ITK: variants seen among roughly 807,000 people sequenced by gnomAD.
The protein encoded by ITK is tyrosine-protein kinase ITK/TSK.
A neutral mutation model predicts 87.6 loss-of-function variants in ITK; 45 were observed. The observed-to-expected ratio is 0.51, with a 90% CI of 0.40 to 0.66. ITK has a LOEUF of 0.66. ITK is among the 30% of genes least tolerant of loss of function. The pLI is 0.00. For missense variants in ITK, 605 were observed against 766.3 expected, an observed-to-expected ratio of 0.79 and a Z score of 2.48; for synonymous variants, 303 against 273.6, an observed-to-expected ratio of 1.11 and a Z score of -1.06.
chr5:157,246,016 G>GCCACACTGC lies in ITK; in HGVS notation c.1633+19_1633+20insACACTGCCC, dbSNP rs1561665398. The GCCACACTGC allele has an allele frequency of 2.0e-6, 3 of 1,516,142 alleles. No homozygotes were observed. Among genetic ancestry groups the GCCACACTGC allele is most frequent in the Non-Finnish European group, 2.7e-6 (3 of 1,091,120 alleles). The allele number at this position is 1,516,142 out of a possible 1,614,324, so 93.9% of individuals were successfully genotyped here. On this transcript the variant is annotated intron_variant, in intron 15 of 16. Coordinates refer to ENST00000422843, the MANE Select transcript of ITK (RefSeq NM_005546.4). ...GGTCATTTGGTGAGTGTCATGCTGG[G>GCCACACTGC]CCCCACTGCCCCATGATCTGGGCTT...
chr5:157,249,854 A>G (rs1339473067), intron 16 of ITK, among the ~76,000 whole-genome samples: 1 of 152,206 alleles, frequency 6.6e-6, no homozygotes, highest in Non-Finnish European at 1.5e-5. Context: ...TCCACTTCAT[A>G]AGGATTAGCT....
At position 157,254,478 on chromosome 5, in the gene ITK, TGAG is replaced by T. The variant is rs1401560051; in HGVS notation, c.*1805_*1807del. 9.1e-6 allele frequency: 2 copies of T among 220,476 alleles called. No individual in the cohort carries two copies. The highest frequency in any genetic ancestry group is 4.5e-5 in the African/African-American group (2 of 44,616). 13.7% of individuals were successfully genotyped at this position (220,476 alleles called of 1,614,324 possible). A position where few individuals can be genotyped will look rare whatever the true frequency, so the allele number is the denominator to read the frequency against. ...AGCTGTAGTCTTCTTGAACACTTCA[TGAG>T]GAGGGACATTCCCTGATATAAGAGA... On this transcript the variant is annotated 3_prime_UTR_variant, in exon 17 of 17. Coordinates refer to ENST00000422843, the MANE Select transcript of ITK (RefSeq NM_005546.4).
rs767660056 is a variant in ITK, at chr5:157,211,344, C to T, written c.301C>T (p.Arg101Cys). 6 of 1,613,980 alleles carry T rather than the reference C, an allele frequency of 3.7e-6. No individual in the cohort carries two copies. Among genetic ancestry groups the T allele is most frequent in the Non-Finnish European group, 5.1e-6 (6 of 1,179,864 alleles). Residue 101 changes from arginine (R) to cysteine (C), a missense_variant, in exon 3 of 17, where the codon CGC (arginine) becomes TGC (cysteine). By Grantham distance (180) the Arg-to-Cys change is radical (BLOSUM62 -3). Transcript: ENST00000422843. ...VFAPDRESRQ[R>C]WVLALKEETR... ...TGCTCCAGATCGTGAGAGCCGGCAG[C>T]GCTGGGTGCTGGCCCTTAAAGAAGG...
At position 157,248,975 on chromosome 5, in the gene ITK, G is replaced by A. The variant is rs56005928; in HGVS notation, c.1759G>A (p.Val587Ile). The A allele has an allele frequency of 2.8e-3, 4,466 of 1,613,900 alleles. 37 individuals are homozygous for A. The highest frequency in any genetic ancestry group is 3.6e-3 in the South Asian group (330 of 91,076). Reference protein sequence around the residue: ...LYKPRLASTHVYQIMNHCWKE... With the variant: ...LYKPRLASTHIYQIMNHCWKE... ...CAAGCCCCGGCTGGCCTCCACACACGTCTACCAGATTATGAATCACTGCTG... is the reference window on the plus strand; with the variant it reads ...CAAGCCCCGGCTGGCCTCCACACACATCTACCAGATTATGAATCACTGCTG... The change falls in exon 16 of 17, where the codon GTC (valine) becomes ATC (isoleucine). Residue 587 changes from valine to isoleucine, a missense_variant. By Grantham distance (29) the Val-to-Ile change is conservative. This residue lies in a region of ITK where 71 missense variants were observed against 65.8 expected (regional missense o/e 1.08). Coordinates refer to ENST00000422843, the MANE Select transcript of ITK (RefSeq NM_005546.4).
chr5:157,191,463 A>G (rs1368097431), intron 1 of ITK, among the ~76,000 whole-genome samples: 1 of 152,202 alleles, frequency 6.6e-6, no homozygotes, highest in Non-Finnish European at 1.5e-5. Flanking sequence ...CATATTGTCA[A>G]AAAAAATTAA....
chr5:157,209,927 A>T (rs939595011), intron 2 of ITK, among the ~76,000 whole-genome samples: 5 of 144,332 alleles, frequency 3.5e-5, no homozygotes, highest in African/African-American at 1.0e-4. Context: ...CACTGCAGAA[A>T]TTTTTTTTTT....
intron 3 of ITK, among the ~76,000 whole-genome samples, chr5:157,212,180 A>T (rs1359603560): frequency 6.6e-6 from 1 of 152,192 alleles, no homozygotes; most frequent in African/African-American, 2.4e-5. Flanking sequence ...CTGTTGTGAG[A>T]ATTGAATGAT....
chr5:157,227,822 C>CTTTTTTTTTTTTTTTTTT (rs34428784), intron 6 of ITK, among the ~76,000 whole-genome samples: 1 of 84,832 alleles, frequency 1.2e-5, no homozygotes, highest in African/African-American at 5.5e-5. Flanking sequence ...TTACCAATTC[C>CTTTTTTTTTTTTTTTTTT]TTTTTTTTTT....
At chr5:157,235,865 A>G (rs576619352) in intron 8 of ITK, among the ~76,000 whole-genome samples, 42 of 152,366 alleles carry the variant, frequency 2.8e-4, no homozygotes, top group African/African-American at 1.0e-3. Context: ...CACAACCAAC[A>G]TGTCTCAGAT....
chr5:157,222,748 C>G (rs1754444694), intron 5 of ITK, 115 bp from the exon 6 acceptor site: 1 of 969,868 alleles, frequency 1.0e-6, no homozygotes, highest in African/African-American at 1.6e-5. Context: ...AACTCTAACT[C>G]ATAAAGAAAG....
intron 1 of ITK, among the ~76,000 whole-genome samples, chr5:157,198,907 C>T (rs1393323634): frequency 6.6e-6 from 1 of 152,108 alleles, no homozygotes; most frequent in Admixed American, 6.6e-5. Flanking sequence ...GTACTACGGG[C>T]ATGTGCCACC....
intron 5 of ITK, among the ~76,000 whole-genome samples, chr5:157,218,448 A>T (rs1580891455): frequency 6.7e-6 from 1 of 148,916 alleles, no homozygotes; most frequent in African/African-American, 2.5e-5. Flanking sequence ...TCGAGACTGC[A>T]GTGAGCCATG....
In ITK at chr5:157,245,677, C is replaced by T. The variant is rs377479054; in HGVS notation, c.1450-49C>T. ...TAGGAGACTCCTTAACTACTGATGA[C>T]TCATCAACAGTTTTCCTCTCCGCCT... On this transcript the variant is annotated intron_variant, in intron 13 of 16. Transcript: ENST00000422843. 4.3e-5 allele frequency: 61 copies of T among 1,427,428 alleles called. No individual in the cohort carries two copies. In the East Asian group the frequency reaches 8.2e-4, roughly 19 times the overall value. 88.4% of individuals were successfully genotyped at this position (1,427,428 alleles called of 1,614,324 possible). A position where few individuals can be genotyped will look rare whatever the true frequency, so the allele number is the denominator to read the frequency against.
intron 3 of ITK, among the ~76,000 whole-genome samples, chr5:157,211,875 ACAG>A (rs1754198114): frequency 6.6e-6 from 1 of 152,202 alleles, no homozygotes; most frequent in Admixed American, 6.5e-5. Flanking sequence ...GGAAGGGATA[ACAG>A]CACCTGCCTT....
At chr5:157,251,171 C>A (rs1755132766) in intron 16 of ITK, among the ~76,000 whole-genome samples, 1 of 152,138 alleles carries the variant, frequency 6.6e-6, no homozygotes, top group Non-Finnish European at 1.5e-5. Flanking sequence ...TATTAGCATT[C>A]ATTGTTTTGG....
At chr5:157,216,703 G>A (rs1754304957) in intron 4 of ITK, among the ~76,000 whole-genome samples, 2 of 152,080 alleles carry the variant, frequency 1.3e-5, no homozygotes, top group South Asian at 4.2e-4. Flanking sequence ...GTCCAGGGCT[G>A]GAAGTGGCCA....
rs182056248 is a variant in ITK, at chr5:157,192,134, A to G, written c.138+11019A>G. On this transcript the variant is annotated intron_variant, in intron 1 of 16. Transcript: ENST00000422843. ...AATGTTTTAGTGAGAGAGAGGGGAAAATACGTGATCTTTTATACATAGGTG... is the reference window on the plus strand; with the variant it reads ...AATGTTTTAGTGAGAGAGAGGGGAAGATACGTGATCTTTTATACATAGGTG... Among the ~76,000 whole-genome samples the G allele has an allele frequency of 2.6e-5, 4 of 152,312 alleles. No individual in the cohort carries two copies. The East Asian group carries it at 7.7e-4, about 29-fold the overall frequency.
chr5:157,250,415 A>G (rs1388280866), intron 16 of ITK, among the ~76,000 whole-genome samples: 1 of 152,174 alleles, frequency 6.6e-6, no homozygotes, highest in Non-Finnish European at 1.5e-5. Context: ...TTTGTTGCCA[A>G]ATAATATTCC....
intron 5 of ITK, among the ~76,000 whole-genome samples, chr5:157,219,351 G>A (rs983740275): frequency 1.3e-5 from 2 of 152,106 alleles, no homozygotes; most frequent in South Asian, 2.1e-4. Flanking sequence ...GTCCTCAGGC[G>A]ATCAACCCAC....
Sources: allele counts gnomAD v4.1 joint callset (sites outside exome capture counted in the v4.1 genomes callset), GRCh38; gene constraint gnomAD v4.1.1; regional missense constraint gnomAD v4.1.1; transcripts MANE v1.5; gene names NCBI Gene and HGNC (gene_info 2026-07-23, HGNC 2026-07-21).